The following ZZEF1 variants were observed in gnomAD, a reference collection of about 807,000 sequenced individuals.
ZZEF1 encodes the protein zinc finger ZZ-type and EF-hand domain-containing protein 1.
ZZEF1 carries 157 observed loss-of-function variants against 342.8 expected under a neutral mutation model. That is an observed-to-expected ratio of 0.46 (90% CI 0.40 to 0.52). ZZEF1 has a LOEUF of 0.52. Among genes scored for constraint, ZZEF1 ranks in the 20% least tolerant of loss-of-function variants. The pLI, the probability that ZZEF1 is intolerant of heterozygous loss-of-function variation, is 0.00. For synonymous variants in ZZEF1, 1,505 were observed against 1,429.1 expected, an observed-to-expected ratio of 1.05 and a Z score of -1.20; for missense variants, 3,480 against 3,725.6, an observed-to-expected ratio of 0.93 and a Z score of 1.72.
Position 4,087,475 on chromosome 17 carries a change from A to G in ZZEF1, c.2301T>C (p.Asp767=), listed in dbSNP as rs1259550271. ...TGTAAAAATTCCAGAAGATCTGCAA[A>G]TCAAGACCCGCGAAGTCCAGAAAAG... is the stretch of plus-strand genomic sequence containing the variant. ...YKSFLDFAGL[D]LQIFWNFYSK... Residue 767 remains aspartate (D), a synonymous_variant, in exon 14 of 55, where the codon GAT becomes GAC. Transcript: ENST00000381638. The G allele has an allele frequency of 6.2e-7, 1 of 1,611,856 alleles. No individual in the cohort carries two copies. The highest frequency in any genetic ancestry group is 1.3e-5 in the African/African-American group (1 of 74,984).
chr17:4,129,180 C>T (rs993718427), intron 1 of ZZEF1, among the ~76,000 whole-genome samples: 1 of 152,142 alleles, frequency 6.6e-6, no homozygotes, highest in African/African-American at 2.4e-5. Flanking sequence ...GTTGTGCAAC[C>T]ACCATTCTCT....
At chr17:4,082,323 A>G (rs1179107108) in intron 17 of ZZEF1, 114 bp downstream of exon 17, 2 of 977,840 alleles carry the variant, frequency 2.0e-6, no homozygotes, top group Non-Finnish European at 3.1e-6. Flanking sequence ...TCGGCTTTCT[A>G]ACTGAGTGGC....
intron 4 of ZZEF1, 81 bp from the exon 5 acceptor site, chr17:4,112,889 G>T: frequency 8.1e-7 from 1 of 1,237,074 alleles, no homozygotes. Flanking sequence ...ACCTCAAAGA[G>T]CTTACATTTG....
chr17:4,074,085 G>A, intron 24 of ZZEF1, 65 bp downstream of exon 24: 1 of 1,572,798 alleles, frequency 6.4e-7, no homozygotes, highest in Non-Finnish European at 8.7e-7. Flanking sequence ...CCTACAAGAG[G>A]GCAAGCGCGC....
intron 40 of ZZEF1, chr17:4,033,618 G>A: frequency 5.0e-6 from 1 of 198,416 alleles, no homozygotes; most frequent in Middle Eastern, 2.3e-3. Flanking sequence ...CAAAGTGCTG[G>A]GATTACAGAT....
At chr17:4,050,040 A>T (rs1361929507) in intron 36 of ZZEF1, among the ~76,000 whole-genome samples, 181 bp from the exon 37 acceptor site, 1 of 152,228 alleles carries the variant, frequency 6.6e-6, no homozygotes, top group East Asian at 1.9e-4. Flanking sequence ...TCCTCCTCTC[A>T]GATGGTGAGA....
chr17:4,123,809 G>T (rs1236265912), intron 2 of ZZEF1, 98 bp downstream of exon 2: 1 of 1,371,996 alleles, frequency 7.3e-7, no homozygotes, highest in Non-Finnish European at 9.9e-7. Context: ...CACTGTTGGG[G>T]GAGTTTACTG....
At chr17:4,069,316 T>A (rs2057464112) in intron 26 of ZZEF1, among the ~76,000 whole-genome samples, 1 of 152,144 alleles carries the variant, frequency 6.6e-6, no homozygotes, top group Non-Finnish European at 1.5e-5. Context: ...ACAGGTTACA[T>A]CACCCCCTCG....
intron 40 of ZZEF1, 130 bp from the exon 41 acceptor site, chr17:4,033,132 G>A (rs982917473): frequency 1.3e-5 from 11 of 849,490 alleles, no homozygotes; most frequent in East Asian, 8.1e-5. Flanking sequence ...AAAACTACCA[G>A]AATAATGCTT....
intron 11 of ZZEF1, 90 bp downstream of exon 11, chr17:4,095,741 G>A: frequency 1.4e-6 from 2 of 1,403,200 alleles, no homozygotes; most frequent in Non-Finnish European, 1.9e-6. Flanking sequence ...AGCAAGCACA[G>A]TTCACCAATG....
chr17:4,117,079 G>A lies in ZZEF1; in HGVS notation c.587C>T (p.Ser196Phe). 6.2e-7 allele frequency: 1 copy of A among 1,614,166 alleles called. No individual in the cohort carries two copies. Among genetic ancestry groups the A allele is most frequent in the Non-Finnish European group, 8.5e-7 (1 of 1,180,040 alleles). Residue 196 changes from serine (S) to phenylalanine (F), a missense_variant, in exon 3 of 55, where the codon TCC (serine) becomes TTC (phenylalanine). Around this residue, in one of 5 missense-constraint regions of ZZEF1, gnomAD observed 416 missense variants for 374.2 expected, o/e 1.11. Transcript: ENST00000381638. ...CATCGGGTAGGGCATCACCGCGCTG[G>A]AGAGCCGATTGCGGTGCAGGAAGCG... ...ILRFLHRNRL[S>F]SAVMPYPMLE...
In ZZEF1 at chr17:4,014,163, G is replaced by A. The variant is rs757942568; in HGVS notation, c.8340C>T (p.Thr2780=). The change falls in exon 51 of 55, where the codon ACC becomes ACT. Residue 2780 remains threonine, a synonymous_variant. Coordinates refer to ENST00000381638, the MANE Select transcript of ZZEF1 (RefSeq NM_015113.4). This position sits in a 1 kb window ranked among gnomAD's most constrained non-coding sequence, Gnocchi z 4.4. ...CCCACTCGGTGTTGCTCATGTCGGA[G>A]GTGAAGCGGTAATACAGAGTGTCTC... is the stretch of plus-strand genomic sequence containing the variant. ...LPGDTLYYRF[T]SDMSNTEWGY... The A allele has an allele frequency of 1.2e-6, 2 of 1,614,156 alleles. No homozygotes were observed. Among genetic ancestry groups the A allele is most frequent in the Admixed American group, 3.3e-5 (2 of 60,022 alleles).
chr17:4,086,215 G>A (rs765987726), intron 15 of ZZEF1, among the ~76,000 whole-genome samples: 5 of 152,188 alleles, frequency 3.3e-5, no homozygotes, highest in Non-Finnish European at 5.9e-5. Flanking sequence ...GTCAGCTGAG[G>A]AAGGAATAAA....
At chr17:4,015,287 A>G (rs2056070113) in intron 49 of ZZEF1, among the ~76,000 whole-genome samples, 1 of 152,246 alleles carries the variant, frequency 6.6e-6, no homozygotes. Context: ...GCCCAGGAAC[A>G]TGACAAGAGA....
chr17:4,070,538 A>G, intron 26 of ZZEF1, 146 bp downstream of exon 26: 2 of 1,049,972 alleles, frequency 1.9e-6, no homozygotes, highest in Non-Finnish European at 2.6e-6. Context: ...ATCTTTTAAT[A>G]GGCAAAGTAG....
chr17:4,133,182 A>G (rs531641808), intron 1 of ZZEF1, among the ~76,000 whole-genome samples: 172 of 152,338 alleles, frequency 1.1e-3, no homozygotes, highest in Admixed American at 2.8e-3. Flanking sequence ...AACGACACAC[A>G]GACTTGGAAA....
At chr17:4,125,274 T>C (rs988810893) in intron 1 of ZZEF1, among the ~76,000 whole-genome samples, 1 of 152,198 alleles carries the variant, frequency 6.6e-6, no homozygotes, top group African/African-American at 2.4e-5. Context: ...CAGGAGTCTT[T>C]AAGCCTCCTT....
Position 4,006,722 on chromosome 17 carries a change from C to T in ZZEF1, c.*168G>A, listed in dbSNP as rs1287368265. On this transcript the variant is annotated 3_prime_UTR_variant, in exon 55 of 55. Coordinates refer to ENST00000381638, the MANE Select transcript of ZZEF1 (RefSeq NM_015113.4). ...GCTACAGCCTGTGCTTGTGTCCAGC[C>T]TACGCACGGGAGCTCTTGGAGACGT... The T allele has an allele frequency of 3.2e-5, 23 of 709,160 alleles. No homozygotes were observed. The highest frequency in any genetic ancestry group is 5.8e-5 in the Non-Finnish European group (23 of 397,310). 43.9% of individuals were successfully genotyped at this position (709,160 alleles called of 1,614,324 possible).
chr17:4,112,667 G>A lies in ZZEF1; in HGVS notation c.1008C>T (p.Ile336=). The A allele has an allele frequency of 6.2e-7, 1 of 1,614,232 alleles. No homozygotes were observed. The highest frequency in any genetic ancestry group is 1.1e-5 in the South Asian group (1 of 91,086). The change falls in exon 5 of 55, where the codon ATC becomes ATT. Residue 336 remains isoleucine, a synonymous_variant. Transcript: ENST00000381638. ...TCACATAGCCAGTGACATTGCTGGG[G>A]ATGTGCACATCTCGGACTTCCTGAA... ...SDLQEVRDVH[I]PSNVTGYVTL...
Sources: allele counts gnomAD v4.1 joint callset (sites outside exome capture counted in the v4.1 genomes callset), GRCh38; gene constraint gnomAD v4.1.1; regional missense constraint gnomAD v4.1.1; non-coding constraint Gnocchi (gnomAD v3.1); transcripts MANE v1.5; gene names NCBI Gene and HGNC (gene_info 2026-07-23, HGNC 2026-07-21).